KLHL1: variants seen among roughly 807,000 people sequenced by gnomAD.
KLHL1 encodes kelch like family member 1.
In KLHL1, 47 loss-of-function variants were observed where a neutral mutation model predicts 77.7. The observed-to-expected ratio is 0.60, with a 90% CI of 0.48 to 0.77. The LOEUF is 0.77. Among genes scored for constraint, KLHL1 ranks in the 30% least tolerant of loss-of-function variants. The probability of loss-of-function intolerance (pLI) is 0.00; values close to 1 mark genes in which losing one functional copy is unlikely to be tolerated. For missense variants in KLHL1, 925 were observed against 910.8 expected, an observed-to-expected ratio of 1.02 and a Z score of -0.20; for synonymous variants, 360 against 325.2, an observed-to-expected ratio of 1.11 and a Z score of -1.15.
intron 1 of KLHL1, among the ~76,000 whole-genome samples, chr13:70,100,069 TA>T (rs1462217667): frequency 6.6e-6 from 1 of 151,964 alleles, no homozygotes. Context: ...CATCAATTTG[TA>T]ACAAAAAAGC....
In KLHL1 at chr13:70,107,552, C is replaced by A; in HGVS notation, c.148G>T (p.Gly50Ter). ...QDGSGSFEHW[G>*]PSQSRLLKSQ... is the part of the protein sequence containing the mutation. ...TTGAGCAGGCGACTCTGGCTGGGTC[C>A]CCAGTGCTCAAAGCTGCCACTGCCG... Residue 50 changes from glycine to a stop codon, truncating the protein, a stop_gained, in exon 1 of 11, where the codon GGA (glycine) becomes TGA (stop). Transcript: ENST00000377844. LOFTEE classifies it high-confidence loss of function. 1 of 1,608,830 alleles carries A rather than the reference C, an allele frequency of 6.2e-7. No homozygotes were observed. Among genetic ancestry groups the A allele is most frequent in the Non-Finnish European group, 8.5e-7 (1 of 1,177,148 alleles).
intron 7 of KLHL1, among the ~76,000 whole-genome samples, chr13:69,771,326 G>A (rs1875556264): frequency 6.7e-6 from 1 of 150,078 alleles, no homozygotes. Flanking sequence ...TATAATAATG[G>A]CAACTTTTTC....
intron 4 of KLHL1, among the ~76,000 whole-genome samples, chr13:69,896,528 C>T (rs1881646474): frequency 6.6e-6 from 1 of 152,020 alleles, no homozygotes; most frequent in South Asian, 2.1e-4. Context: ...AAAAATAGTG[C>T]ATGAAGCTGA....
intron 8 of KLHL1, among the ~76,000 whole-genome samples, chr13:69,721,526 C>A (rs981042239): frequency 1.3e-5 from 2 of 151,626 alleles, no homozygotes; most frequent in African/African-American, 4.8e-5. Flanking sequence ...ACAATATATC[C>A]AATATAATAT....
At chr13:70,071,647 A>G (rs1395544563) in intron 1 of KLHL1, among the ~76,000 whole-genome samples, 2 of 152,080 alleles carry the variant, frequency 1.3e-5, no homozygotes, top group Non-Finnish European at 2.9e-5. Flanking sequence ...TCAGACCACA[A>G]TGTAATTAAA....
chr13:69,754,060 T>C (rs2137953336), intron 7 of KLHL1, among the ~76,000 whole-genome samples: 1 of 151,994 alleles, frequency 6.6e-6, no homozygotes, highest in South Asian at 2.1e-4. Flanking sequence ...CAGGATGGTC[T>C]CGAACTCCTG....
At chr13:69,964,697 GCTTTA>G (rs1004969794) in intron 2 of KLHL1, among the ~76,000 whole-genome samples, 9 of 151,826 alleles carry the variant, frequency 5.9e-5, no homozygotes, top group Admixed American at 1.3e-4. Context: ...TTTCCTCTCT[GCTTTA>G]CTTTAATTTC....
At chr13:69,868,654 G>A (rs924306377) in intron 5 of KLHL1, among the ~76,000 whole-genome samples, 1 of 151,990 alleles carries the variant, frequency 6.6e-6, no homozygotes, top group African/African-American at 2.4e-5. Flanking sequence ...TATTTTGTGA[G>A]TATCATGATG....
At chr13:70,090,379 G>GA (rs1887643961) in intron 1 of KLHL1, among the ~76,000 whole-genome samples, 1 of 151,366 alleles carries the variant, frequency 6.6e-6, no homozygotes, top group South Asian at 2.1e-4. Context: ...AAGACTGGGG[G>GA]AAAAAGACAC....
chr13:69,990,197 A>G (rs936015834), intron 1 of KLHL1, among the ~76,000 whole-genome samples: 3 of 151,938 alleles, frequency 2.0e-5, no homozygotes, highest in Admixed American at 1.3e-4. Flanking sequence ...TGGAAAGACC[A>G]TTACCAGCCA....
intron 7 of KLHL1, among the ~76,000 whole-genome samples, chr13:69,774,129 C>T (rs1215530492): frequency 1.3e-5 from 2 of 151,918 alleles, no homozygotes; most frequent in South Asian, 4.1e-4. Context: ...AGCAGTATTA[C>T]TCTTTTTAAA....
At chr13:69,875,530 T>C (rs982742211) in intron 5 of KLHL1, among the ~76,000 whole-genome samples, 2 of 152,166 alleles carry the variant, frequency 1.3e-5, no homozygotes, top group Admixed American at 6.5e-5. Flanking sequence ...GACTTTCAGA[T>C]TATGTTCCAA....
intron 4 of KLHL1, among the ~76,000 whole-genome samples, chr13:69,890,678 C>T (rs1881395944): frequency 6.6e-6 from 1 of 151,460 alleles, no homozygotes; most frequent in South Asian, 2.1e-4. Context: ...ATATATGTAT[C>T]TCCTTGTAAA....
intron 6 of KLHL1, among the ~76,000 whole-genome samples, chr13:69,819,021 A>G (rs189500439): frequency 6.6e-6 from 1 of 152,340 alleles, no homozygotes. Context: ...TCTCAAAGCC[A>G]TAGGATGATT....
intron 1 of KLHL1, among the ~76,000 whole-genome samples, chr13:70,005,690 TA>T (rs1462350974): frequency 1.3e-5 from 2 of 152,112 alleles, no homozygotes; most frequent in East Asian, 3.9e-4. Context: ...TCGCTTTGAT[TA>T]AAATATCTTA....
chr13:69,989,990 C>A (rs1287401584), intron 1 of KLHL1, among the ~76,000 whole-genome samples: 2 of 151,684 alleles, frequency 1.3e-5, no homozygotes, highest in African/African-American at 2.4e-5. Flanking sequence ...CAGCAGAAAC[C>A]CTACAAGCCA....
intron 6 of KLHL1, among the ~76,000 whole-genome samples, chr13:69,809,540 T>C (rs899719235): frequency 6.6e-6 from 1 of 152,074 alleles, no homozygotes; most frequent in African/African-American, 2.4e-5. Context: ...ATCGGCTCTA[T>C]GAGAGATGCT....
At position 69,953,755 on chromosome 13, in the gene KLHL1, T is replaced by C. The variant is rs945258478; in HGVS notation, c.817+7553A>G. Among the ~76,000 whole-genome samples, 145 of 151,300 alleles carry C rather than the reference T, an allele frequency of 9.6e-4. 1 individual carries two copies. Among genetic ancestry groups the C allele is most frequent in the African/African-American group, 3.3e-3 (138 of 41,446 alleles). Reference sequence around the variant, plus strand: ...TTAAAAAACATATAATGCTGAAACATATAATAAATTGGACTCAAAATTAAT... The same window carrying C: ...TTAAAAAACATATAATGCTGAAACACATAATAAATTGGACTCAAAATTAAT... On this transcript the variant is annotated intron_variant, in intron 3 of 10. Transcript: ENST00000377844.
Position 69,966,604 on chromosome 13 carries a change from TTC to T in KLHL1, c.681-5162_681-5161del, listed in dbSNP as rs531425198. On this transcript the variant is annotated intron_variant, in intron 2 of 10. Transcript: ENST00000377844. ...TTTTAAAAAGTATATTTCATTTCTT[TTC>T]TTTTTTCCTTTTTATTTGTACAGAT... Among the ~76,000 whole-genome samples, 10 of 152,308 alleles carry T rather than the reference TTC, an allele frequency of 6.6e-5. No homozygotes were observed. In the South Asian group the frequency reaches 2.1e-3, roughly 32 times the overall value.
Sources: allele counts gnomAD v4.1 joint callset (sites outside exome capture counted in the v4.1 genomes callset), GRCh38; gene constraint gnomAD v4.1.1; transcripts MANE v1.5; gene names NCBI Gene and HGNC (gene_info 2026-07-23, HGNC 2026-07-21).